Variants in THEMIS observed in about 807,000 individuals in gnomAD.
The protein encoded by THEMIS is protein THEMIS.
A neutral mutation model predicts 52.6 loss-of-function variants in THEMIS; 37 were observed. The ratio of observed to expected loss-of-function variants is 0.70; its 90% confidence interval spans 0.54 to 0.93. The LOEUF is 0.93. THEMIS is among the 40% of genes least tolerant of loss of function. The pLI is 0.00. For missense variants in THEMIS, 808 were observed against 763.1 expected (o/e 1.06, Z -0.69); for synonymous variants, 292 against 272.7 (o/e 1.07, Z -0.70).
intron 5 of THEMIS, among the ~76,000 whole-genome samples, chr6:127,710,819 C>T (rs183776529): frequency 1.3e-5 from 2 of 151,916 alleles, no homozygotes; most frequent in Admixed American, 6.6e-5. Flanking sequence ...TCTCTCTGAC[C>T]CTCCCCTGCT....
intron 1 of THEMIS, among the ~76,000 whole-genome samples, chr6:127,913,320 T>C (rs187330337): frequency 2.0e-5 from 3 of 152,342 alleles, no homozygotes; most frequent in East Asian, 1.9e-4. Flanking sequence ...CTTTTCAGTT[T>C]CCATTCGCTG....
intron 4 of THEMIS, among the ~76,000 whole-genome samples, chr6:127,730,007 T>G (rs1008601047): frequency 2.0e-5 from 3 of 152,172 alleles, no homozygotes; most frequent in Non-Finnish European, 4.4e-5. Flanking sequence ...TGGTGGCTCA[T>G]GTCTGTAATC....
At chr6:127,785,808 T>C (rs901079168) in intron 4 of THEMIS, among the ~76,000 whole-genome samples, 11 of 152,030 alleles carry the variant, frequency 7.2e-5, no homozygotes, top group Admixed American at 4.6e-4. Flanking sequence ...TAATAGCATT[T>C]AGAAAAGAGG....
rs1016603154 is a variant in THEMIS, at chr6:127,813,059, C to T, written c.1582G>A (p.Val528Ile). Residue 528 changes from valine to isoleucine, a missense_variant, in exon 4 of 6, where the codon GTC becomes ATC. By Grantham distance (29) the Val-to-Ile change is conservative (BLOSUM62 3). Transcript: ENST00000368248. The part of the protein sequence containing the change: ...NFSRDAEPFL[V>I]RTLVEEITEE... Reference sequence around the variant, plus strand: ...GTGATCTCTTCTACCAGAGTCCTGACTAGAAATGGTTCTGCATCCCTAGAG... The same window carrying T: ...GTGATCTCTTCTACCAGAGTCCTGATTAGAAATGGTTCTGCATCCCTAGAG... 1.2e-6 allele frequency: 2 copies of T among 1,614,138 alleles called. No homozygotes were observed. The highest frequency in any genetic ancestry group is 1.7e-6 in the Non-Finnish European group (2 of 1,180,026).
intron 4 of THEMIS, among the ~76,000 whole-genome samples, chr6:127,741,667 A>T (rs73595719): frequency 5.3e-5 from 8 of 152,348 alleles, no homozygotes; most frequent in African/African-American, 1.9e-4. Flanking sequence ...GCCTTTCAGT[A>T]AATCCTTTGC....
intron 1 of THEMIS, among the ~76,000 whole-genome samples, chr6:127,874,974 C>A (rs564374152): frequency 6.6e-6 from 1 of 152,196 alleles, no homozygotes; most frequent in East Asian, 1.9e-4. Flanking sequence ...ATCAGATCAG[C>A]GGGCATTAGA....
chr6:127,901,073 G>A (rs889106035), upstream of THEMIS: 10 of 688,420 alleles, frequency 1.5e-5, no homozygotes, highest in African/African-American at 1.6e-4. Flanking sequence ...AGAGTGGGGT[G>A]GAGTAGCTCT....
At chr6:127,703,337 G>A (rs921099869), downstream of THEMIS, among the ~76,000 whole-genome samples, 6 of 152,118 alleles carry the variant, frequency 3.9e-5, no homozygotes, top group Admixed American at 1.3e-4. Context: ...GTGAGACACC[G>A]CGCCCGGCTA....
chr6:127,770,698 C>T (rs1776354500), intron 4 of THEMIS, among the ~76,000 whole-genome samples: 1 of 152,134 alleles, frequency 6.6e-6, no homozygotes, highest in African/African-American at 2.4e-5. Context: ...CTTGCCCATG[C>T]CTGTGTCCTG....
intron 2 of THEMIS, among the ~76,000 whole-genome samples, chr6:127,843,281 T>C (rs992281014): frequency 2.0e-5 from 3 of 151,896 alleles, no homozygotes; most frequent in African/African-American, 7.2e-5. Flanking sequence ...ACCTCTTTTT[T>C]TTTTTCTATG....
intron 4 of THEMIS, among the ~76,000 whole-genome samples, chr6:127,802,315 TG>T (rs1777563857): frequency 6.6e-6 from 1 of 152,190 alleles, no homozygotes; most frequent in African/African-American, 2.4e-5. Flanking sequence ...TGAAGAGCCC[TG>T]TAATTGCGCT....
At chr6:127,915,822 A>G (rs968966934) in intron 1 of THEMIS, among the ~76,000 whole-genome samples, 4 of 152,074 alleles carry the variant, frequency 2.6e-5, no homozygotes, top group African/African-American at 9.7e-5. Context: ...CCCCGTCTCT[A>G]CTAAAAATAC....
chr6:127,711,874 T>A (rs1773994736), intron 5 of THEMIS, among the ~76,000 whole-genome samples: 2 of 151,988 alleles, frequency 1.3e-5, no homozygotes, highest in African/African-American at 2.4e-5. Flanking sequence ...AAGACCTAAG[T>A]CTGATTCCTG....
intron 1 of THEMIS, among the ~76,000 whole-genome samples, chr6:127,867,871 T>C (rs970751613): frequency 1.3e-5 from 2 of 152,034 alleles, no homozygotes; most frequent in Non-Finnish European, 2.9e-5. Context: ...TCTGAGACTG[T>C]AGAATGAAAT....
intron 5 of THEMIS, 145 bp from the exon 6 acceptor site, chr6:127,710,161 A>G (rs1773926016): frequency 9.6e-6 from 5 of 519,316 alleles, no homozygotes; most frequent in Non-Finnish European, 1.6e-5. Flanking sequence ...AGCCAGCAAA[A>G]TAAAGAAAAA....
At chr6:127,860,927 A>G (rs1779778501) in intron 1 of THEMIS, among the ~76,000 whole-genome samples, 1 of 152,180 alleles carries the variant, frequency 6.6e-6, no homozygotes, top group Admixed American at 6.5e-5. Context: ...GATAGAAGTC[A>G]TCATTGTGGC....
At chr6:127,753,057 T>TA (rs1485057332) in intron 4 of THEMIS, among the ~76,000 whole-genome samples, 3 of 151,862 alleles carry the variant, frequency 2.0e-5, no homozygotes, top group Non-Finnish European at 4.4e-5. Flanking sequence ...GAATGATGAT[T>TA]AAAAATCACA....
At chr6:127,818,651 A>G (rs1034947089) in intron 3 of THEMIS, among the ~76,000 whole-genome samples, 12 of 152,058 alleles carry the variant, frequency 7.9e-5, no homozygotes, top group African/African-American at 2.4e-4. Context: ...CAAATCAAGC[A>G]TCAAAGCCAG....
At chr6:127,745,994 T>A (rs1775375163) in intron 4 of THEMIS, among the ~76,000 whole-genome samples, 1 of 151,898 alleles carries the variant, frequency 6.6e-6, no homozygotes, top group Non-Finnish European at 1.5e-5. Context: ...AGATTATTCA[T>A]ACTACTAGAA....
Sources: allele counts gnomAD v4.1 joint callset (sites outside exome capture counted in the v4.1 genomes callset), GRCh38; gene constraint gnomAD v4.1.1; transcripts MANE v1.5; gene names NCBI Gene and HGNC (gene_info 2026-07-23, HGNC 2026-07-21).